LAIR1: variants seen among roughly 807,000 people sequenced by gnomAD.
LAIR1 encodes the protein leukocyte associated immunoglobulin like receptor 1, also known as leukocyte-associated immunoglobulin-like receptor 1.
Under a neutral mutation model 32.8 loss-of-function variants are expected in LAIR1, and 24 were observed. The ratio of observed to expected loss-of-function variants is 0.73; its 90% confidence interval spans 0.53 to 1.03. The LOEUF (loss-of-function observed/expected upper bound fraction) is 1.03. Ranked by LOEUF, LAIR1 falls within the 50% of genes least tolerant of loss-of-function variation. LAIR1 has a pLI of 0.00. For synonymous variants in LAIR1, 150 were observed against 140.5 expected, an observed-to-expected ratio of 1.07 and a Z score of -0.48; for missense variants, 355 against 347.5, an observed-to-expected ratio of 1.02 and a Z score of -0.17.
At chr19:54,366,709 C>T (rs1009579793), upstream of LAIR1, among the ~76,000 whole-genome samples, 4 of 152,062 alleles carry the variant, frequency 2.6e-5, no homozygotes, top group Non-Finnish European at 4.4e-5. Context: ...AGGATGGTCT[C>T]GATCTCCTGA....
chr19:54,356,042 G>A, intron 8 of LAIR1, 36 bp from the exon 9 acceptor site: 3 of 1,555,586 alleles, frequency 1.9e-6, no homozygotes, highest in Middle Eastern at 3.4e-4. Context: ...TTTCTGGGGA[G>A]GATGTCGCAA....
In LAIR1 at chr19:54,364,872, C is replaced by T. The variant is rs1217697450; in HGVS notation, c.-68G>A. On this transcript the variant is annotated 5_prime_UTR_variant, in exon 1 of 10. Coordinates refer to ENST00000391742, the MANE Select transcript of LAIR1 (RefSeq NM_002287.6). This position sits in a 1 kb window ranked among gnomAD's most constrained non-coding sequence, Gnocchi z 4.8. ...TGCAAGGACAGAACTCTGCAGCAGA[C>T]ACAAGCAGACAGGATGTGCTGCCCG... 1.2e-5 allele frequency: 20 copies of T among 1,613,632 alleles called. No individual in the cohort carries two copies. The highest frequency in any genetic ancestry group is 6.7e-5 in the East Asian group (3 of 44,882).
At position 54,354,443 on chromosome 19, in the gene LAIR1, G is replaced by T. The variant is rs1203876589; in HGVS notation, c.*825C>A. 1 of 152,218 alleles carries T rather than the reference G, an allele frequency of 6.6e-6. No individual in the cohort carries two copies. The highest frequency in any genetic ancestry group is 2.1e-4 in the South Asian group (1 of 4,828). 9.4% of individuals were successfully genotyped at this position (152,218 alleles called of 1,614,324 possible). ...ATATCTAATGTATCGTATCTGTGGC[G>T]ATGGGTGCGCTGAGGAATTGATTGT... is the stretch of plus-strand genomic sequence containing the variant. On this transcript the variant is annotated 3_prime_UTR_variant, in exon 10 of 10. Coordinates refer to ENST00000391742, the MANE Select transcript of LAIR1 (RefSeq NM_002287.6).
intron 4 of LAIR1, chr19:54,358,706 C>G: frequency 2.0e-6 from 2 of 981,638 alleles, no homozygotes; most frequent in Non-Finnish European, 3.0e-6. Flanking sequence ...ATGTCAGCGC[C>G]GTGTGTACCT....
In LAIR1 at chr19:54,355,693, G is replaced by T. The variant is rs922487268; in HGVS notation, c.717+261C>A. 1.1e-4 allele frequency among the ~76,000 whole-genome samples: 16 copies of T among 152,192 alleles called. No homozygotes were observed. Among genetic ancestry groups the T allele is most frequent in the Admixed American group, 1.0e-3 (16 of 15,280 alleles). ...TGGATCCCTCCCTCTGGGGGAAGCCGGCTGTGTGGAGAGGCCCCTGTGAGA... is the reference window on the plus strand; with the variant it reads ...TGGATCCCTCCCTCTGGGGGAAGCCTGCTGTGTGGAGAGGCCCCTGTGAGA... On this transcript the variant is annotated intron_variant, in intron 9 of 9. Transcript: ENST00000391742. This position sits in a 1 kb window ranked among gnomAD's most constrained non-coding sequence, Gnocchi z 4.7.
At chr19:54,367,986 A>G (rs2082307269), upstream of LAIR1, among the ~76,000 whole-genome samples, 1 of 151,224 alleles carries the variant, frequency 6.6e-6, no homozygotes, top group Non-Finnish European at 1.5e-5. Context: ...GTTAGCCAGG[A>G]TGGTCTCGAT....
Position 54,355,403 on chromosome 19 carries a change from T to G in LAIR1, c.729A>C (p.Ala243=). 1 of 1,606,530 alleles carries G rather than the reference T, an allele frequency of 6.2e-7. No individual in the cohort carries two copies. Among genetic ancestry groups the G allele is most frequent in the Non-Finnish European group, 8.5e-7 (1 of 1,176,146 alleles). ...DRETDTSALA[A]GSSQEVTYAQ... Reference sequence around the variant, plus strand: ...CATACGTCACCTCCTGGGAACTCCCTGCAGCCAGGGCCTAAGAGGGAGAGA... The same window carrying G: ...CATACGTCACCTCCTGGGAACTCCCGGCAGCCAGGGCCTAAGAGGGAGAGA... Residue 243 remains alanine (A), a synonymous_variant, in exon 10 of 10, where the codon GCA becomes GCC. Transcript: ENST00000391742. The surrounding 1 kb of genome is among the most constrained non-coding windows in gnomAD (Gnocchi z 4.7).
Position 54,356,270 on chromosome 19 carries a change from A to C in LAIR1, c.627-3T>G, listed in dbSNP as rs752149655. 1 of 1,613,394 alleles carries C rather than the reference A, an allele frequency of 6.2e-7. No homozygotes were observed. ...GAACATCAACAGCCAGGTCAGGCCTAAGAGGAAAAATAAAAGTGAACCTCA... is the reference window on the plus strand; with the variant it reads ...GAACATCAACAGCCAGGTCAGGCCTCAGAGGAAAAATAAAAGTGAACCTCA... On this transcript the variant is annotated splice_polypyrimidine_tract_variant and splice_region_variant and intron_variant, in intron 7 of 9. Coordinates refer to ENST00000391742, the MANE Select transcript of LAIR1 (RefSeq NM_002287.6).
chr19:54,373,116 G>C (rs2082444455), upstream of LAIR1, among the ~76,000 whole-genome samples: 1 of 144,410 alleles, frequency 6.9e-6, no homozygotes, highest in African/African-American at 2.6e-5. Flanking sequence ...TGGGCAACAG[G>C]AGCGAAACTC....
rs920559270 is a variant in LAIR1, at chr19:54,360,801, C to A, written c.364+115G>T. 3.3e-6 allele frequency: 3 copies of A among 896,402 alleles called. No homozygotes were observed. The African/African-American group carries it at 5.0e-5, about 15-fold the overall frequency. 55.5% of individuals were successfully genotyped at this position (896,402 alleles called of 1,614,324 possible). ...AGAAGGGGAGGGGAGGGCTTGGGGT[C>A]AGGAGGAGGACAAGGTTGGCCACAG... On this transcript the variant is annotated intron_variant, in intron 3 of 9. Transcript: ENST00000391742.
chr19:54,355,174 G>T lies in LAIR1; in HGVS notation c.*94C>A. The stretch of plus-strand genomic sequence containing the variant: ...CTGCCTGGCTGGCTTTCTAGATGAA[G>T]AGGAATCCAACAGGAAGCCTTCCAA... On this transcript the variant is annotated 3_prime_UTR_variant, in exon 10 of 10. Coordinates refer to ENST00000391742, the MANE Select transcript of LAIR1 (RefSeq NM_002287.6). The surrounding 1 kb of genome is among the most constrained non-coding windows in gnomAD (Gnocchi z 4.7). 8.1e-7 allele frequency: 1 copy of T among 1,228,204 alleles called. No homozygotes were observed. The highest frequency in any genetic ancestry group is 1.1e-6 in the Non-Finnish European group (1 of 881,254). The allele number at this position is 1,228,204 out of a possible 1,614,324, so 76.1% of individuals were successfully genotyped here.
At position 54,362,555 on chromosome 19, in the gene LAIR1, G is replaced by A. The variant is rs184290012; in HGVS notation, c.71-1346C>T. Among the ~76,000 whole-genome samples the A allele has an allele frequency of 1.0e-3, 152 of 152,310 alleles. 1 individual carries two copies. Among genetic ancestry groups the A allele is most frequent in the Middle Eastern group, 3.4e-3 (1 of 294 alleles). On this transcript the variant is annotated intron_variant, in intron 2 of 9. Transcript: ENST00000391742. ...GATGGAGTGCAGTGGCGCGATCTCA[G>A]CTCACTGCAACCTCCGCCTCCAAGG...
chr19:54,375,064 C>T (rs1473897530), upstream of LAIR1, among the ~76,000 whole-genome samples: 10 of 152,232 alleles, frequency 6.6e-5, no homozygotes, highest in African/African-American at 1.4e-4. Context: ...ATGCTCAGTA[C>T]GTCGCTCAAA....
At chr19:54,358,028 T>A (rs1373237604) in intron 4 of LAIR1, 2 of 147,790 alleles carry the variant, frequency 1.4e-5, no homozygotes, top group African/African-American at 5.0e-5. Flanking sequence ...AATATATTTT[T>A]AATTATGTAA....
At chr19:54,356,132 T>C in intron 8 of LAIR1, 98 bp downstream of exon 8, 1 of 1,377,786 alleles carries the variant, frequency 7.3e-7, no homozygotes, top group African/African-American at 1.4e-5. Context: ...TCTAGAATGT[T>C]CCCAAAGATT....
chr19:54,356,991 G>A lies in LAIR1; in HGVS notation c.416-25C>T, dbSNP rs2081750364. On this transcript the variant is annotated intron_variant, in intron 4 of 9. Coordinates refer to ENST00000391742, the MANE Select transcript of LAIR1 (RefSeq NM_002287.6). ...CCTGGGAGGGAGGAATCAGAAGGAG[G>A]AGGAGTTAGAGTCCTGAGCTGGACA... 1.9e-6 allele frequency: 3 copies of A among 1,611,256 alleles called. No homozygotes were observed. In the African/African-American group the frequency reaches 4.0e-5, roughly 22 times the overall value.
chr19:54,356,887 G>A (rs1601276317), intron 5 of LAIR1, 41 bp downstream of exon 5: 4 of 1,611,986 alleles, frequency 2.5e-6, no homozygotes, highest in Admixed American at 1.7e-5. Flanking sequence ...TTCCCCAAGA[G>A]GCACACACCA....
In LAIR1 at chr19:54,355,271, G is replaced by C; in HGVS notation, c.861C>G (p.His287Gln). The C allele has an allele frequency of 1.9e-6, 3 of 1,604,966 alleles. No homozygotes were observed. The highest frequency in any genetic ancestry group is 1.7e-6 in the Non-Finnish European group (2 of 1,175,140). ...CAGAGGCCAGGTGGGTATGGGGTCA[G>C]TGTCTGGCAACGGCTGCATACGTGA... ...ESITYAAVAR[H>Q] Residue 287 changes from histidine (H) to glutamine (Q), a missense_variant, in exon 10 of 10, where the codon CAC becomes CAG. By Grantham distance (24) the His-to-Gln change is conservative. Transcript: ENST00000391742. The surrounding 1 kb of genome is among the most constrained non-coding windows in gnomAD (Gnocchi z 4.7).
At chr19:54,367,683 C>T (rs1344017777), upstream of LAIR1, among the ~76,000 whole-genome samples, 5 of 151,362 alleles carry the variant, frequency 3.3e-5, no homozygotes, top group South Asian at 4.2e-4. Flanking sequence ...GAGGCGGAGG[C>T]TGCAGTGAGC....
Sources: gnomAD v4.1 joint callset for allele counts (sites outside exome capture counted in the v4.1 genomes callset) on GRCh38, gnomAD v4.1.1 for gene constraint, Gnocchi (gnomAD v3.1) non-coding constraint, MANE v1.5 for transcripts, NCBI Gene and HGNC (gene_info 2026-07-23, HGNC 2026-07-21) for gene names.